Variants in FAM3C observed in about 807,000 individuals in gnomAD.
The protein encoded by FAM3C is protein FAM3C.
A neutral mutation model predicts 32.5 loss-of-function variants in FAM3C; 15 were observed. The observed-to-expected ratio is 0.46, with a 90% confidence interval of 0.31 to 0.71. The LOEUF is 0.71. Ranked by LOEUF, FAM3C falls within the 30% of genes least tolerant of loss-of-function variation. The probability of loss-of-function intolerance (pLI) is 0.05; values close to 1 mark genes in which losing one functional copy is unlikely to be tolerated. For synonymous variants in FAM3C, 75 were observed against 86.1 expected (o/e 0.87, Z 0.72); for missense variants, 175 against 274.4 (o/e 0.64, Z 2.56).
In FAM3C at chr7:121,361,767, C is replaced by G. The variant is rs1584692811; in HGVS notation, c.382+1130G>C. Among the ~76,000 whole-genome samples the G allele has an allele frequency of 2.0e-5, 3 of 152,170 alleles. No homozygotes were observed. The South Asian group carries it at 6.2e-4, about 32-fold the overall frequency. On this transcript the variant is annotated intron_variant, in intron 7 of 9. Coordinates refer to ENST00000359943, the MANE Select transcript of FAM3C (RefSeq NM_014888.3). ...CTCGGCTCACCGCAACTTCTGCCTC[C>G]CCGGTTCAAGGGATTCTCCTGCTTC...
intron 1 of FAM3C, among the ~76,000 whole-genome samples, chr7:121,387,481 C>T (rs1022142391): frequency 2.6e-5 from 4 of 152,012 alleles, no homozygotes; most frequent in African/African-American, 4.8e-5. Flanking sequence ...GTGCTCCACA[C>T]GTGTTCATCA....
At chr7:121,370,307 C>A (rs1394429774) in intron 5 of FAM3C, among the ~76,000 whole-genome samples, 1 of 152,012 alleles carries the variant, frequency 6.6e-6, no homozygotes, top group Non-Finnish European at 1.5e-5. Flanking sequence ...AAAGTGTTGT[C>A]CCATGAAGCT....
chr7:121,378,877 T>A, intron 3 of FAM3C, 33 bp downstream of exon 3: 1 of 1,217,908 alleles, frequency 8.2e-7, no homozygotes, highest in Non-Finnish European at 1.2e-6. Flanking sequence ...ACATCAAAAA[T>A]AAGATTTAAG....
chr7:121,367,026 C>A (rs142033107), intron 5 of FAM3C, among the ~76,000 whole-genome samples: 1 of 152,230 alleles, frequency 6.6e-6, no homozygotes, highest in East Asian at 1.9e-4. Context: ...AGGCTTCCCA[C>A]AAGAGGGCAG....
chr7:121,355,727 C>A (rs1226986767), intron 8 of FAM3C, among the ~76,000 whole-genome samples: 3 of 152,144 alleles, frequency 2.0e-5, no homozygotes, highest in Non-Finnish European at 4.4e-5. Context: ...GGTACACTGG[C>A]AACTGTTTGA....
chr7:121,390,351 G>C lies in FAM3C; in HGVS notation c.-42+5811C>G, dbSNP rs188148958. Reference sequence around the variant, plus strand: ...GATCTGACCTAACCAACTCCATCTTGCTTCTAACCTCCAGGTTGTCCTTGT... The same window carrying C: ...GATCTGACCTAACCAACTCCATCTTCCTTCTAACCTCCAGGTTGTCCTTGT... On this transcript the variant is annotated intron_variant, in intron 1 of 9. Transcript: ENST00000359943. Among the ~76,000 whole-genome samples the C allele has an allele frequency of 2.7e-3, 405 of 152,298 alleles. 4 individuals carry two copies. Among genetic ancestry groups the C allele is most frequent in the Admixed American group, 8.2e-3 (125 of 15,296 alleles).
intron 3 of FAM3C, among the ~76,000 whole-genome samples, chr7:121,377,121 G>T (rs185591953): frequency 2.0e-5 from 3 of 152,074 alleles, no homozygotes; most frequent in Admixed American, 2.0e-4. Flanking sequence ...TCTCATGATA[G>T]TGAGTTCTCA....
chr7:121,359,949 C>T, intron 8 of FAM3C, 94 bp downstream of exon 8: 1 of 723,414 alleles, frequency 1.4e-6, no homozygotes, highest in South Asian at 1.6e-5. Flanking sequence ...AGTTTGATTA[C>T]TTTGCTCTAT....
intron 1 of FAM3C, among the ~76,000 whole-genome samples, chr7:121,384,473 T>A (rs12706340): frequency 0.18 from 27,925 of 152,182 alleles, 2,626 homozygotes; most frequent in South Asian, 0.21. Context: ...GCCAGCTAAT[T>A]TTCCAAAATA....
At chr7:121,395,870 G>GAGTGCC (rs1174054920) in intron 1 of FAM3C, among the ~76,000 whole-genome samples, 1 of 151,032 alleles carries the variant, frequency 6.6e-6, no homozygotes, top group African/African-American at 2.4e-5. Flanking sequence ...CCGGGGCGCC[G>GAGTGCC]AGTGCCAGCG....
At chr7:121,381,518 C>A (rs1794356262) in intron 2 of FAM3C, among the ~76,000 whole-genome samples, 1 of 152,068 alleles carries the variant, frequency 6.6e-6, no homozygotes, top group African/African-American at 2.4e-5. Flanking sequence ...AAGTTAATTT[C>A]AAATAACATG....
intron 7 of FAM3C, 87 bp from the exon 8 acceptor site, chr7:121,360,214 A>G: frequency 1.4e-6 from 1 of 730,738 alleles, no homozygotes; most frequent in South Asian, 1.6e-5. Context: ...TAAAACATGA[A>G]GTATCTGTAA....
intron 1 of FAM3C, among the ~76,000 whole-genome samples, chr7:121,389,274 A>C (rs1468731446): frequency 6.6e-6 from 1 of 151,984 alleles, no homozygotes; most frequent in Non-Finnish European, 1.5e-5. Flanking sequence ...GAATTAGCTA[A>C]AGAGACCTAC....
At chr7:121,381,806 A>G (rs139159173) in intron 2 of FAM3C, among the ~76,000 whole-genome samples, 3 of 152,286 alleles carry the variant, frequency 2.0e-5, no homozygotes, top group African/African-American at 4.8e-5. Context: ...AAATTGCTTT[A>G]TAATTTCACA....
At chr7:121,382,551 T>G (rs1349823919) in intron 2 of FAM3C, among the ~76,000 whole-genome samples, 2 of 34,984 alleles carry the variant, frequency 5.7e-5, no homozygotes, top group Admixed American at 2.0e-4. Context: ...GTCTTTAGGT[T>G]TTTTTTTTTT....
intron 3 of FAM3C, 95 bp downstream of exon 3, chr7:121,378,815 C>T (rs954393404): frequency 7.3e-6 from 4 of 544,636 alleles, no homozygotes; most frequent in East Asian, 6.7e-5. Context: ...AATCACATTT[C>T]GTTTTCTAGC....
At chr7:121,378,655 G>C (rs1183256911) in intron 3 of FAM3C, among the ~76,000 whole-genome samples, 5 of 152,148 alleles carry the variant, frequency 3.3e-5, no homozygotes, top group African/African-American at 1.2e-4. Flanking sequence ...AGAATGCCAT[G>C]ATTAATGCCC....
chr7:121,376,066 C>T (rs138515397), intron 3 of FAM3C, among the ~76,000 whole-genome samples: 9 of 152,294 alleles, frequency 5.9e-5, no homozygotes, highest in African/African-American at 2.2e-4. Context: ...AATATGGTTT[C>T]CACCCCATCA....
chr7:121,378,677 T>C (rs181249571), intron 3 of FAM3C, among the ~76,000 whole-genome samples: 1 of 151,614 alleles, frequency 6.6e-6, no homozygotes, highest in East Asian at 1.9e-4. Context: ...TAAAAATGTA[T>C]AAAATAGACT....
Sources: allele counts gnomAD v4.1 joint callset (sites outside exome capture counted in the v4.1 genomes callset), GRCh38; gene constraint gnomAD v4.1.1; transcripts MANE v1.5; gene names NCBI Gene and HGNC (gene_info 2026-07-23, HGNC 2026-07-21).